The following ERGIC1 variants were observed in gnomAD, a reference collection of about 807,000 sequenced individuals.
ERGIC1 encodes endoplasmic reticulum-golgi intermediate compartment 1, also known as endoplasmic reticulum-Golgi intermediate compartment protein 1.
In ERGIC1, 19 loss-of-function variants were observed where a neutral mutation model predicts 38.3. The observed-to-expected ratio is 0.50, with a 90% CI of 0.35 to 0.73. The LOEUF (loss-of-function observed/expected upper bound fraction) is 0.73, where lower values mean the gene tolerates loss of function less well. Among genes scored for constraint, ERGIC1 ranks in the 30% least tolerant of loss-of-function variants. ERGIC1 has a pLI of 0.01. For missense variants in ERGIC1, 294 were observed against 389.2 expected (o/e 0.76, Z 2.06); for synonymous variants, 124 against 157.6 (o/e 0.79, Z 1.60).
At chr5:172,941,905 G>C (rs965732262) in intron 9 of ERGIC1, among the ~76,000 whole-genome samples, 8 of 152,162 alleles carry the variant, frequency 5.3e-5, no homozygotes, top group Admixed American at 3.3e-4. Flanking sequence ...GAGGGCAGGG[G>C]CATTAAGAAG....
chr5:172,846,701 A>C lies in ERGIC1; in HGVS notation c.20+12268A>C, dbSNP rs1761289179. Among the ~76,000 whole-genome samples, 1 of 152,214 alleles carries C rather than the reference A, an allele frequency of 6.6e-6. No individual in the cohort carries two copies. The highest frequency in any genetic ancestry group is 1.5e-5 in the Non-Finnish European group (1 of 68,036). The stretch of plus-strand genomic sequence containing the variant: ...TCTCCTGGCGCAGGAAAGTGTTTTA[A>C]GAGGTGAGCATGAGACTTGACCCAG... On this transcript the variant is annotated intron_variant, in intron 1 of 9. Transcript: ENST00000393784. This position sits in a 1 kb window ranked among gnomAD's most constrained non-coding sequence, Gnocchi z 4.0.
rs1763663282 is a variant in ERGIC1 at position 172,926,873 on chromosome 5, C to T, written c.541+304C>T. 2.7e-6 allele frequency: 1 copy of T among 373,340 alleles called. No individual in the cohort carries two copies. Among genetic ancestry groups the T allele is most frequent in the Admixed American group, 4.0e-5 (1 of 24,908 alleles). 23.1% of individuals were successfully genotyped at this position (373,340 alleles called of 1,614,324 possible). On this transcript the variant is annotated intron_variant, in intron 7 of 9. Transcript: ENST00000393784. This position sits in a 1 kb window ranked among gnomAD's most constrained non-coding sequence, Gnocchi z 5.2. ...AGCCACATCATCATCCTTAGTTGAA[C>T]TAATTACCTAAGATCCCACAGGGAG...
intron 1 of ERGIC1, among the ~76,000 whole-genome samples, chr5:172,844,787 CT>C (rs1430902255): frequency 6.6e-6 from 1 of 152,204 alleles, no homozygotes; most frequent in Non-Finnish European, 1.5e-5. Context: ...ACCTGCTGTC[CT>C]CTTTGGTGAT....
In ERGIC1 at chr5:172,935,317, G is replaced by GGT. The variant is rs1763866754; in HGVS notation, c.765+8_765+9insTG. 6.2e-7 allele frequency: 1 copy of GGT among 1,614,008 alleles called. No homozygotes were observed. Among genetic ancestry groups the GGT allele is most frequent in the Non-Finnish European group, 8.5e-7 (1 of 1,180,016 alleles). On this transcript the variant is annotated splice_region_variant and intron_variant, in intron 9 of 9. Transcript: ENST00000393784. ...GTACAGATTCATCACCACGGTGAGT[G>GGT]GCCTGGGGCAGTGGGTGGGGCCCTG...
chr5:172,941,090 C>T (rs577334737), intron 9 of ERGIC1, among the ~76,000 whole-genome samples: 8 of 152,282 alleles, frequency 5.3e-5, no homozygotes, highest in Non-Finnish European at 1.2e-4. Context: ...ACCAGCCTGG[C>T]CAACATGGCG....
Position 172,941,894 on chromosome 5 carries a change from A to AGAGGGCAGGGG in ERGIC1, c.765+6585_765+6595dup, listed in dbSNP as rs552477521. ...AGGCAGCAAGTGCTGGGGGCAGGGA[A>AGAGGGCAGGGG]GAGGGCAGGGGCATTAAGAAGAATT... On this transcript the variant is annotated intron_variant, in intron 9 of 9. Coordinates refer to ENST00000393784, the MANE Select transcript of ERGIC1 (RefSeq NM_001031711.3). Among the ~76,000 whole-genome samples the AGAGGGCAGGGG allele has an allele frequency of 1.2e-4, 19 of 152,276 alleles. No homozygotes were observed. The South Asian group carries it at 3.9e-3, about 32-fold the overall frequency.
rs1764232244 is a variant in ERGIC1 at position 172,951,590 on chromosome 5, A to T, written c.*774A>T. 1 of 152,280 alleles carries T rather than the reference A, an allele frequency of 6.6e-6. No homozygotes were observed. Among genetic ancestry groups the T allele is most frequent in the South Asian group, 2.1e-4 (1 of 4,830 alleles). The allele number at this position is 152,280 out of a possible 1,614,324, so 9.4% of individuals were successfully genotyped here. A position where few individuals can be genotyped will look rare whatever the true frequency, so the allele number is the denominator to read the frequency against. ...TCTGAACCCTCCACCAATGTGCCTC[A>T]GCCTGTGTGCTGTGTGGCAACAGCA... On this transcript the variant is annotated 3_prime_UTR_variant, in exon 10 of 10. Coordinates refer to ENST00000393784, the MANE Select transcript of ERGIC1 (RefSeq NM_001031711.3).
chr5:172,926,474 C>T lies in ERGIC1; in HGVS notation c.481-35C>T. The T allele has an allele frequency of 6.2e-7, 1 of 1,613,460 alleles. No homozygotes were observed. Among genetic ancestry groups the T allele is most frequent in the Non-Finnish European group, 8.5e-7 (1 of 1,179,720 alleles). ...GGGCCAGGCCTGGAGGTGGAGGTGT[C>T]CTGGGGACCATCCCCTCACTGCATT... is the stretch of plus-strand genomic sequence containing the variant. On this transcript the variant is annotated intron_variant, in intron 6 of 9. Transcript: ENST00000393784. This position sits in a 1 kb window ranked among gnomAD's most constrained non-coding sequence, Gnocchi z 5.2.
At chr5:172,856,130 G>A (rs535939559) in intron 1 of ERGIC1, among the ~76,000 whole-genome samples, 4 of 152,262 alleles carry the variant, frequency 2.6e-5, no homozygotes, top group Admixed American at 6.5e-5. Flanking sequence ...GAAGACATGC[G>A]CCTTGTCAGT....
intron 1 of ERGIC1, among the ~76,000 whole-genome samples, chr5:172,850,847 C>A (rs1239927218): frequency 2.0e-5 from 3 of 152,136 alleles, no homozygotes; most frequent in Non-Finnish European, 4.4e-5. Flanking sequence ...TTGGCCCTCA[C>A]ATTTTTAAAA....
At chr5:172,857,195 A>G (rs775877607) in intron 1 of ERGIC1, among the ~76,000 whole-genome samples, 2 of 152,194 alleles carry the variant, frequency 1.3e-5, no homozygotes, top group Non-Finnish European at 2.9e-5. Context: ...CAGTTTCCTC[A>G]TTTGTAAAAT....
intron 1 of ERGIC1, among the ~76,000 whole-genome samples, chr5:172,855,568 A>G (rs1392654191): frequency 6.6e-6 from 1 of 152,178 alleles, no homozygotes; most frequent in African/African-American, 2.4e-5. Flanking sequence ...TCCCAGCGAG[A>G]ATATCCAGGG....
In ERGIC1 at chr5:172,932,429, C is replaced by T; in HGVS notation, c.542-7C>T. 3 of 1,613,956 alleles carry T rather than the reference C, an allele frequency of 1.9e-6. No homozygotes were observed. Among genetic ancestry groups the T allele is most frequent in the East Asian group, 4.5e-5 (2 of 44,886 alleles). Reference sequence around the variant, plus strand: ...CCCTGCTTCATTCTGCTGTGTCCTTCCCGCAGCCCTGGCCTCCCACGACTA... The same window carrying T: ...CCCTGCTTCATTCTGCTGTGTCCTTTCCGCAGCCCTGGCCTCCCACGACTA... On this transcript the variant is annotated splice_polypyrimidine_tract_variant and splice_region_variant and intron_variant, in intron 7 of 9. Transcript: ENST00000393784.
intron 2 of ERGIC1, among the ~76,000 whole-genome samples, chr5:172,893,935 G>GTGTGTGTGTGTGTGTGTATATATA (rs1429850022): frequency 1.2e-3 from 51 of 42,804 alleles, no homozygotes; most frequent in East Asian, 2.0e-3. Flanking sequence ...GTGTGTGTGT[G>GTGTGTGTGTGTGTGTGTATATATA]TATATATATA....
chr5:172,907,444 G>C (rs1211190950), intron 3 of ERGIC1, among the ~76,000 whole-genome samples: 6 of 152,150 alleles, frequency 3.9e-5, no homozygotes, highest in African/African-American at 1.4e-4. Flanking sequence ...AGTAGTCCCA[G>C]CTACTTGGGA....
chr5:172,877,438 G>GTA (rs1475634599), intron 1 of ERGIC1, among the ~76,000 whole-genome samples: 163 of 91,430 alleles, frequency 1.8e-3, no homozygotes, highest in African/African-American at 3.4e-3. Flanking sequence ...GTGTGTGTGT[G>GTA]TGTATATATA....
Position 172,935,170 on chromosome 5 carries a change from T to C in ERGIC1, c.643-18T>C. ...GAGACACAGTTTGTACTTCTGATTC[T>C]TATATCCTCTACCCCAGGAATACGT... On this transcript the variant is annotated intron_variant, in intron 8 of 9. Transcript: ENST00000393784. 1 of 1,614,026 alleles carries C rather than the reference T, an allele frequency of 6.2e-7. No homozygotes were observed. Among genetic ancestry groups the C allele is most frequent in the South Asian group, 1.1e-5 (1 of 91,078 alleles).
intron 1 of ERGIC1, among the ~76,000 whole-genome samples, chr5:172,884,244 GTTT>G (rs71579704): frequency 1.1e-5 from 1 of 90,608 alleles, no homozygotes; most frequent in Non-Finnish European, 2.2e-5. Flanking sequence ...GGAACCCCAA[GTTT>G]TTTTTTTTTT....
At chr5:172,855,550 A>T (rs1406539802) in intron 1 of ERGIC1, among the ~76,000 whole-genome samples, 1 of 152,224 alleles carries the variant, frequency 6.6e-6, no homozygotes, top group Non-Finnish European at 1.5e-5. Flanking sequence ...TTGGAGGATC[A>T]AGAGTTTTCC....
Sources: allele counts gnomAD v4.1 joint callset (sites outside exome capture counted in the v4.1 genomes callset), GRCh38; gene constraint gnomAD v4.1.1; non-coding constraint Gnocchi (gnomAD v3.1); transcripts MANE v1.5; gene names NCBI Gene and HGNC (gene_info 2026-07-23, HGNC 2026-07-21).